The following COL4A5 variants were observed in gnomAD, a reference collection of about 807,000 sequenced individuals.
The protein encoded by COL4A5 is collagen alpha-5(IV) chain.
A neutral mutation model predicts 130.2 loss-of-function variants in COL4A5; 26 were observed. The ratio of observed to expected loss-of-function variants is 0.20; its 90% CI spans 0.15 to 0.28. The LOEUF (loss-of-function observed/expected upper bound fraction) is 0.28, where lower values mean the gene tolerates loss of function less well. Ranked by LOEUF, COL4A5 falls within the 10% of genes least tolerant of loss-of-function variation. The pLI is 1.00. For synonymous variants in COL4A5, 496 were observed against 439.6 expected (o/e 1.13, Z -1.60); for missense variants, 1,131 against 1,344.3 (o/e 0.84, Z 2.48).
chrX:108,623,728 G>T (rs1326758428), intron 33 of COL4A5, among the ~76,000 whole-genome samples: 1 of 111,629 alleles, frequency 9.0e-6, no homozygotes, highest in Non-Finnish European at 1.9e-5. Flanking sequence ...GATTTGGTGG[G>T]ATTTTTCCTC....
At chrX:108,626,527 G>A in intron 36 of COL4A5, 178 bp downstream of exon 36, 1 of 1,145,776 alleles carries the variant, frequency 8.7e-7, no homozygotes. Flanking sequence ...TAGGGTTTGT[G>A]GCCAGTCCAA....
chrX:108,692,868 C>G lies in COL4A5; in HGVS notation c.4649C>G (p.Pro1550Arg), dbSNP rs776934499. ...TCTTACTGGCTCTCTACCCCAGAGCCCATGCCAATGAGCATGCAACCCCTA... is the reference window on the plus strand; with the variant it reads ...TCTTACTGGCTCTCTACCCCAGAGCGCATGCCAATGAGCATGCAACCCCTA... ...DYSYWLSTPE[P>R]MPMSMQPLKG... The change falls in exon 50 of 53, where the codon CCC (proline) becomes CGC (arginine). Residue 1550 changes from proline (P) to arginine (R), a missense_variant. Transcript: ENST00000328300. The G allele has an allele frequency of 1.7e-6, 2 of 1,211,286 alleles. No individual in the cohort carries two copies. The highest frequency in any genetic ancestry group is 1.8e-5 in the South Asian group (1 of 56,976).
At chrX:108,577,843 T>G (rs1224794918) in intron 10 of COL4A5, 109 bp from the exon 11 acceptor site, 1 of 633,993 alleles carries the variant, frequency 1.6e-6, no homozygotes, top group Admixed American at 3.8e-5. Flanking sequence ...AACAAGAAAA[T>G]ACTATTTTGA....
At chrX:108,519,268 T>C (rs755380110) in intron 1 of COL4A5, among the ~76,000 whole-genome samples, 2 of 111,297 alleles carry the variant, frequency 1.8e-5, no homozygotes, top group Admixed American at 9.6e-5. Context: ...AGATAACTTC[T>C]GTTTTGAAAT....
At chrX:108,585,151 A>G (rs907720961) in intron 18 of COL4A5, among the ~76,000 whole-genome samples, 56 of 112,147 alleles carry the variant, frequency 5.0e-4, no homozygotes, top group African/African-American at 1.8e-3. Flanking sequence ...ATAAAATATC[A>G]TTGCTGAGGT....
At chrX:108,446,738 T>G (rs776421323) in intron 1 of COL4A5, among the ~76,000 whole-genome samples, 148 of 111,867 alleles carry the variant, frequency 1.3e-3, no homozygotes, top group Middle Eastern at 4.6e-3. Flanking sequence ...CAATCCCTAT[T>G]TCATACATGG....
At chrX:108,528,366 G>T in intron 1 of COL4A5, among the ~76,000 whole-genome samples, 1 of 112,292 alleles carries the variant, frequency 8.9e-6, no homozygotes, top group East Asian at 2.8e-4. Flanking sequence ...TACATCTTCA[G>T]AAAAATATCC....
intron 44 of COL4A5, among the ~76,000 whole-genome samples, chrX:108,677,896 A>G (rs1469887065): frequency 2.7e-5 from 3 of 112,068 alleles, no homozygotes; most frequent in Non-Finnish European, 5.6e-5. Context: ...CCTTCATTTC[A>G]GTGAAAGCAA....
chrX:108,583,193 G>A (rs1002003809), intron 17 of COL4A5, among the ~76,000 whole-genome samples: 2 of 112,043 alleles, frequency 1.8e-5, no homozygotes, highest in Admixed American at 9.4e-5. Flanking sequence ...ACTGTGAAAA[G>A]TCATTGCCTT....
At chrX:108,639,361 A>G (rs920205968) in intron 36 of COL4A5, among the ~76,000 whole-genome samples, 1 of 111,273 alleles carries the variant, frequency 9.0e-6, no homozygotes, top group Admixed American at 9.6e-5. Context: ...ATTTTCTTAC[A>G]TCATATATAA....
Position 108,595,490 on chromosome X carries a change from GTTA to G in COL4A5, c.1424-14_1424-12del. 8.3e-7 allele frequency: 1 copy of G among 1,202,834 alleles called. No individual in the cohort carries two copies. The highest frequency in any genetic ancestry group is 1.1e-6 in the Non-Finnish European group (1 of 887,298). On this transcript the variant is annotated splice_polypyrimidine_tract_variant and intron_variant, in intron 21 of 52. Transcript: ENST00000328300. ...GTACCCCTTTCAGTAAAATTTGTTT[GTTA>G]TTATGATTTCACTAGGTGACAAAGG...
chrX:108,533,720 G>A (rs1347263907), intron 1 of COL4A5, among the ~76,000 whole-genome samples: 2 of 110,780 alleles, frequency 1.8e-5, no homozygotes, highest in Admixed American at 9.6e-5. Context: ...AACAGCAAAC[G>A]AAGCAATCAA....
chrX:108,467,757 G>A (rs1341511963), intron 1 of COL4A5, among the ~76,000 whole-genome samples: 1 of 111,595 alleles, frequency 9.0e-6, no homozygotes, highest in African/African-American at 3.3e-5. Flanking sequence ...TCTTTTGGAT[G>A]TTATTGTAAA....
At chrX:108,667,290 G>A in intron 40 of COL4A5, 107 bp downstream of exon 40, 2 of 763,117 alleles carry the variant, frequency 2.6e-6, no homozygotes, top group Non-Finnish European at 3.9e-6. Flanking sequence ...ATGCATGTAA[G>A]AACCCAGAAA....
intron 25 of COL4A5, among the ~76,000 whole-genome samples, chrX:108,599,987 T>C (rs1224408364): frequency 1.8e-5 from 2 of 112,252 alleles, no homozygotes; most frequent in African/African-American, 6.5e-5. Flanking sequence ...ACAAGCAGTG[T>C]TGAATATTTT....
At chrX:108,561,402 C>A (rs2065896811) in intron 3 of COL4A5, among the ~76,000 whole-genome samples, 1 of 111,268 alleles carries the variant, frequency 9.0e-6, no homozygotes, top group Admixed American at 9.5e-5. Context: ...TGTCTTTTGA[C>A]TGCCATGTGG....
At position 108,559,143 on chromosome X, in the gene COL4A5, G is replaced by A. The variant is rs137930367; in HGVS notation, c.221G>A (p.Arg74Gln). 17 of 1,202,962 alleles carry A rather than the reference G, an allele frequency of 1.4e-5. No homozygotes were observed. The East Asian group carries it at 3.8e-4, about 27-fold the overall frequency. ...FPGPEGPPGP[R>Q]GQKGDDGIPG... ...GGTCCAGAAGGGCCTCCGGGGCCTC[G>A]GGGACAAAAGGTATGTATCATGTTG... Residue 74 changes from arginine to glutamine, a missense_variant, in exon 3 of 53, where the codon CGG becomes CAG. Physicochemically the swap from Arg to Gln is conservative, Grantham distance 43. Transcript: ENST00000328300.
At chrX:108,571,935 G>A (rs1248300555) in intron 8 of COL4A5, 98 bp downstream of exon 8, 3 of 688,763 alleles carry the variant, frequency 4.4e-6, no homozygotes, top group Non-Finnish European at 7.0e-6. Context: ...TCTTAAAATC[G>A]ATGTTTCTAG....
intron 1 of COL4A5, among the ~76,000 whole-genome samples, chrX:108,502,997 G>A (rs2065095696): frequency 9.0e-6 from 1 of 111,617 alleles, no homozygotes; most frequent in Non-Finnish European, 1.9e-5. Context: ...TTAATATTTC[G>A]AAGAACCTAT....
Sources: allele counts gnomAD v4.1 joint callset (sites outside exome capture counted in the v4.1 genomes callset), GRCh38; gene constraint gnomAD v4.1.1; transcripts MANE v1.5; gene names NCBI Gene and HGNC (gene_info 2026-07-23, HGNC 2026-07-21).